The following CNTLN variants were observed in gnomAD, a reference collection of about 807,000 sequenced individuals.
CNTLN encodes the protein centlein, centrosomal protein.
In CNTLN, 212 loss-of-function variants were observed where a neutral mutation model predicts 180.0. That is an observed-to-expected ratio of 1.18 (90% confidence interval 1.05 to 1.32). CNTLN has a LOEUF of 1.32. Ranked by LOEUF, CNTLN falls within the 40% of genes most tolerant of loss-of-function variation. The probability of loss-of-function intolerance (pLI) is 0.00; values close to 1 mark genes in which losing one functional copy is unlikely to be tolerated. For missense variants in CNTLN, 2,095 were observed against 1,610.9 expected (o/e 1.30, Z -5.14); for synonymous variants, 722 against 563.1 (o/e 1.28, Z -3.99).
intron 8 of CNTLN, among the ~76,000 whole-genome samples, chr9:17,323,459 G>A (rs1820057736): frequency 6.6e-6 from 1 of 152,116 alleles, no homozygotes; most frequent in Non-Finnish European, 1.5e-5. Context: ...CGAGCTTCAG[G>A]GAGTAGAAGC....
rs184592733 is a variant in CNTLN, at chr9:17,349,877, C to T, written c.1886+7433C>T. Among the ~76,000 whole-genome samples, 148 of 152,276 alleles carry T rather than the reference C, an allele frequency of 9.7e-4. 1 individual carries two copies. The highest frequency in any genetic ancestry group is 1.6e-3 in the Non-Finnish European group (109 of 68,020). On this transcript the variant is annotated intron_variant, in intron 12 of 25. Coordinates refer to ENST00000380647, the MANE Select transcript of CNTLN (RefSeq NM_017738.4). ...AGCCAGGCACTAACCAGGGGCTGAA[C>T]ATACAGTATAGTTTCAAGCTCTAGG...
intron 7 of CNTLN, among the ~76,000 whole-genome samples, chr9:17,304,526 T>A (rs1164548320): frequency 6.6e-6 from 1 of 151,972 alleles, no homozygotes; most frequent in Non-Finnish European, 1.5e-5. Context: ...AAATAAGGAG[T>A]TAGCATATTA....
In CNTLN at chr9:17,354,961, T is replaced by A. The variant is rs190358810; in HGVS notation, c.1887-11656T>A. 5.3e-5 allele frequency among the ~76,000 whole-genome samples: 8 copies of A among 151,300 alleles called. No homozygotes were observed. The East Asian group carries it at 1.6e-3, about 30-fold the overall frequency. On this transcript the variant is annotated intron_variant, in intron 12 of 25. Coordinates refer to ENST00000380647, the MANE Select transcript of CNTLN (RefSeq NM_017738.4). ...GAGGAAGGAACAACTCCAGACACGCTGTGTTGAGAGCTGTAACACTCACCG... is the reference window on the plus strand; with the variant it reads ...GAGGAAGGAACAACTCCAGACACGCAGTGTTGAGAGCTGTAACACTCACCG...
At chr9:17,207,058 G>A (rs1822975091) in intron 2 of CNTLN, among the ~76,000 whole-genome samples, 1 of 152,162 alleles carries the variant, frequency 6.6e-6, no homozygotes, top group Admixed American at 6.5e-5. Flanking sequence ...ATCCGCCACA[G>A]TCTGGTGAGT....
rs759033838 is a variant in CNTLN, at chr9:17,325,374, ATGTATG to A, written c.1342-5254_1342-5249del. 4.5e-3 allele frequency among the ~76,000 whole-genome samples: 495 copies of A among 110,630 alleles called. 4 individuals are homozygous for A. The highest frequency in any genetic ancestry group is 0.022 in the South Asian group (83 of 3,798). The allele number at this position is 110,630 out of a possible 152,430, so 72.6% of individuals were successfully genotyped here. On this transcript the variant is annotated intron_variant, in intron 8 of 25. Coordinates refer to ENST00000380647, the MANE Select transcript of CNTLN (RefSeq NM_017738.4). ...AGAAGAAAAGTGTGTGTGCATGTGT[ATGTATG>A]TGTGTGTGTGTGTGTGTGTGTGTGT...
At chr9:17,208,702 A>G (rs368364139) in intron 2 of CNTLN, among the ~76,000 whole-genome samples, 1 of 152,116 alleles carries the variant, frequency 6.6e-6, no homozygotes, top group Non-Finnish European at 1.5e-5. Context: ...GGTAGGTTGT[A>G]TGTGTCAAGG....
At chr9:17,285,149 C>T (rs796977658) in intron 6 of CNTLN, among the ~76,000 whole-genome samples, 2 of 105,196 alleles carry the variant, frequency 1.9e-5, no homozygotes, top group Non-Finnish European at 3.7e-5. Context: ...TGCTATCCCT[C>T]CCCCCTCCCC....
intron 18 of CNTLN, among the ~76,000 whole-genome samples, chr9:17,449,240 G>T (rs1419686470): frequency 6.6e-6 from 1 of 151,974 alleles, no homozygotes; most frequent in African/African-American, 2.4e-5. Flanking sequence ...TCTACCATTA[G>T]GTATATCTCC....
chr9:17,272,896 T>C (rs554653657), intron 5 of CNTLN, among the ~76,000 whole-genome samples: 1 of 152,188 alleles, frequency 6.6e-6, no homozygotes, highest in South Asian at 2.1e-4. Flanking sequence ...CCTCCCTCCC[T>C]CCTTCTGCCC....
intron 2 of CNTLN, among the ~76,000 whole-genome samples, chr9:17,157,392 C>T (rs1161426616): frequency 5.3e-5 from 8 of 151,860 alleles, no homozygotes; most frequent in Admixed American, 5.3e-4. Flanking sequence ...GAGAAGATGT[C>T]TGAAGAATGA....
At chr9:17,376,890 A>G (rs1454327272) in intron 13 of CNTLN, among the ~76,000 whole-genome samples, 1 of 152,230 alleles carries the variant, frequency 6.6e-6, no homozygotes, top group East Asian at 1.9e-4. Flanking sequence ...AAACAGAAGT[A>G]AAGGTAAATG....
chr9:17,368,593 G>A (rs1289517353), intron 13 of CNTLN, among the ~76,000 whole-genome samples: 2 of 152,180 alleles, frequency 1.3e-5, no homozygotes, highest in African/African-American at 2.4e-5. Context: ...AGTCCCAGTG[G>A]TGGTGGCCAC....
At position 17,503,542 on chromosome 9, in the gene CNTLN, A is replaced by G. The variant is rs753646296; in HGVS notation, c.*890A>G. The G allele has an allele frequency of 5.9e-5, 9 of 152,090 alleles. No individual in the cohort carries two copies. Among genetic ancestry groups the G allele is most frequent in the Non-Finnish European group, 2.9e-5 (2 of 68,028 alleles). 9.4% of individuals were successfully genotyped at this position (152,090 alleles called of 1,614,324 possible). A position where few individuals can be genotyped will look rare whatever the true frequency, so the allele number is the denominator to read the frequency against. On this transcript the variant is annotated 3_prime_UTR_variant, in exon 26 of 26. Coordinates refer to ENST00000380647, the MANE Select transcript of CNTLN (RefSeq NM_017738.4). ...CTCTTTCTAGAATACTCTGCACTCA[A>G]CTTTCCTCATGGCTGGCTCCTTGTC...
At chr9:17,312,364 T>TATATATAA (rs369729227) in intron 8 of CNTLN, among the ~76,000 whole-genome samples, 1 of 20,182 alleles carries the variant, frequency 5.0e-5, no homozygotes, top group Admixed American at 5.3e-4. Context: ...TATATATATA[T>TATATATAA]TATATATATA....
At chr9:17,262,759 GAT>G (rs1827096433) in intron 5 of CNTLN, among the ~76,000 whole-genome samples, 1 of 151,208 alleles carries the variant, frequency 6.6e-6, no homozygotes, top group East Asian at 1.9e-4. Context: ...AGAAAAGAAA[GAT>G]TAGGTATCTC....
At chr9:17,156,841 A>C (rs1229495272) in intron 2 of CNTLN, among the ~76,000 whole-genome samples, 1 of 152,236 alleles carries the variant, frequency 6.6e-6, no homozygotes, top group Admixed American at 6.5e-5. Context: ...TTGAAATAAT[A>C]AAATAGAATT....
At chr9:17,299,746 A>G in intron 7 of CNTLN, 1 of 982,488 alleles carries the variant, frequency 1.0e-6, no homozygotes, top group Non-Finnish European at 1.2e-6. Flanking sequence ...GTACTTTATT[A>G]ATACTTGTTA....
intron 2 of CNTLN, among the ~76,000 whole-genome samples, chr9:17,189,168 C>T (rs1195840305): frequency 2.8e-5 from 4 of 145,136 alleles, no homozygotes; most frequent in Non-Finnish European, 4.5e-5. Flanking sequence ...CTGCAAGCTC[C>T]GCCTCCCGGG....
rs1045333719 is a variant in CNTLN at position 17,502,848 on chromosome 9, T to C, written c.*196T>C. On this transcript the variant is annotated 3_prime_UTR_variant, in exon 26 of 26. Transcript: ENST00000380647. ...AAGTACATAGCCATTTAAAAGGAAATAGTGTAGCATCTGATGGTCGAATAC... is the reference window on the plus strand; with the variant it reads ...AAGTACATAGCCATTTAAAAGGAAACAGTGTAGCATCTGATGGTCGAATAC... 2.6e-5 allele frequency: 8 copies of C among 304,928 alleles called. No homozygotes were observed. The highest frequency in any genetic ancestry group is 4.3e-5 in the Non-Finnish European group (7 of 164,526). The allele number at this position is 304,928 out of a possible 1,614,324, so 18.9% of individuals were successfully genotyped here. A position where few individuals can be genotyped will look rare whatever the true frequency, so the allele number is the denominator to read the frequency against.
Sources: gnomAD v4.1 joint callset for allele counts (sites outside exome capture counted in the v4.1 genomes callset) on GRCh38, gnomAD v4.1.1 for gene constraint, MANE v1.5 for transcripts, NCBI Gene and HGNC (gene_info 2026-07-23, HGNC 2026-07-21) for gene names.